The following EBF2 variants were observed in gnomAD, a reference collection of about 807,000 sequenced individuals.
EBF2 encodes EBF transcription factor 2, also known as transcription factor COE2.
EBF2 carries 21 observed loss-of-function variants against 72.8 expected under a neutral mutation model. That is an observed-to-expected ratio of 0.29 (90% CI 0.20 to 0.42). EBF2 has a LOEUF of 0.42. Ranked by LOEUF, EBF2 falls within the 10% of genes least tolerant of loss-of-function variation. The probability of loss-of-function intolerance (pLI) is 1.00; values close to 1 mark genes in which losing one functional copy is unlikely to be tolerated. For synonymous variants in EBF2, 299 were observed against 274.2 expected, an observed-to-expected ratio of 1.09 and a Z score of -0.89; for missense variants, 637 against 731.2, an observed-to-expected ratio of 0.87 and a Z score of 1.49.
At chr8:25,958,860 T>C (rs4872381) in intron 6 of EBF2, among the ~76,000 whole-genome samples, 83,147 of 152,098 alleles carry the variant, frequency 0.55, 23,299 homozygotes, top group East Asian at 0.88. Flanking sequence ...ATTATGACTT[T>C]GGTAGAATCT....
At chr8:25,925,584 G>A (rs746571957) in intron 6 of EBF2, among the ~76,000 whole-genome samples, 6 of 152,226 alleles carry the variant, frequency 3.9e-5, no homozygotes, top group East Asian at 1.9e-4. Flanking sequence ...AATGCACTTC[G>A]GCTGCCTTTG....
intron 10 of EBF2, among the ~76,000 whole-genome samples, chr8:25,878,120 T>C (rs972810161): frequency 9.2e-5 from 14 of 152,172 alleles, no homozygotes; most frequent in Non-Finnish European, 1.5e-5. Flanking sequence ...CCAAAGGCAG[T>C]GCTTCCGGCT....
At chr8:26,017,082 T>A (rs1451568604) in intron 6 of EBF2, among the ~76,000 whole-genome samples, 1 of 151,590 alleles carries the variant, frequency 6.6e-6, no homozygotes, top group Non-Finnish European at 1.5e-5. Context: ...CTTTCCAGAC[T>A]CATTGTCAGT....
At chr8:25,931,669 T>A (rs1803482938) in intron 6 of EBF2, among the ~76,000 whole-genome samples, 1 of 152,220 alleles carries the variant, frequency 6.6e-6, no homozygotes, top group South Asian at 2.1e-4. Flanking sequence ...TAAACAGTGA[T>A]GGATGGTTTT....
chr8:26,033,013 A>T, intron 6 of EBF2, 72 bp downstream of exon 6: 1 of 1,397,554 alleles, frequency 7.2e-7, no homozygotes, highest in Non-Finnish European at 1.0e-6. Flanking sequence ...AGCTCCATGG[A>T]TCAGTACTCA....
chr8:25,980,122 G>A (rs1804335975), intron 6 of EBF2, among the ~76,000 whole-genome samples: 1 of 152,132 alleles, frequency 6.6e-6, no homozygotes, highest in Non-Finnish European at 1.5e-5. Context: ...ATTCCCTTGG[G>A]TGCTACCCCC....
chr8:25,984,040 A>G (rs1442423905), intron 6 of EBF2, among the ~76,000 whole-genome samples: 1 of 152,254 alleles, frequency 6.6e-6, no homozygotes, highest in Non-Finnish European at 1.5e-5. Flanking sequence ...AACAGCACAT[A>G]GCTGCGGGTA....
intron 6 of EBF2, among the ~76,000 whole-genome samples, chr8:26,009,107 G>GAAAAAA (rs66503039): frequency 3.5e-5 from 3 of 85,028 alleles, no homozygotes; most frequent in African/African-American, 1.5e-4. Flanking sequence ...GAGTAAAAGC[G>GAAAAAA]AAAAAAAAAA....
intron 6 of EBF2, among the ~76,000 whole-genome samples, chr8:25,997,265 A>G (rs1209941190): frequency 6.6e-6 from 1 of 152,150 alleles, no homozygotes; most frequent in Non-Finnish European, 1.5e-5. Context: ...TGTTCATGCA[A>G]TAGTTAAGAA....
Position 26,044,559 on chromosome 8 carries a change from C to A in EBF2, c.131+170G>T, listed in dbSNP as rs1296856934. ...TGCCGGCTGCCGGGTGAGCGTTCGC[C>A]TGACTGCAGCGATCTGCTTGCCCGA... On this transcript the variant is annotated intron_variant, in intron 1 of 15. Transcript: ENST00000520164. This position sits in a 1 kb window ranked among gnomAD's most constrained non-coding sequence, Gnocchi z 4.1. 1.3e-5 allele frequency among the ~76,000 whole-genome samples: 2 copies of A among 152,222 alleles called. No homozygotes were observed. The highest frequency in any genetic ancestry group is 4.8e-5 in the African/African-American group (2 of 41,464).
intron 2 of EBF2, 76 bp from the exon 3 acceptor site, chr8:26,041,078 C>G: frequency 6.6e-7 from 1 of 1,521,448 alleles, no homozygotes; most frequent in Non-Finnish European, 9.1e-7. Context: ...CAGTGAATCC[C>G]CACCTCACAT....
chr8:25,976,821 C>T (rs1308571087), intron 6 of EBF2, among the ~76,000 whole-genome samples: 3 of 152,144 alleles, frequency 2.0e-5, no homozygotes, highest in Non-Finnish European at 4.4e-5. Context: ...AATGATTTGC[C>T]AAACAGAATC....
At chr8:26,006,801 A>G (rs1285523970) in intron 6 of EBF2, among the ~76,000 whole-genome samples, 1 of 152,162 alleles carries the variant, frequency 6.6e-6, no homozygotes, top group East Asian at 1.9e-4. Flanking sequence ...CTTCAGAACC[A>G]CTGCAATTTC....
At chr8:25,847,698 G>A (rs990721183) in intron 15 of EBF2, among the ~76,000 whole-genome samples, 1 of 152,156 alleles carries the variant, frequency 6.6e-6, no homozygotes, top group African/African-American at 2.4e-5. Context: ...GGCCCGGAAA[G>A]AGCTGAACTA....
intron 6 of EBF2, among the ~76,000 whole-genome samples, chr8:25,913,811 C>A (rs573284688): frequency 6.6e-6 from 1 of 152,130 alleles, no homozygotes; most frequent in East Asian, 1.9e-4. Flanking sequence ...GACTTAAACA[C>A]GTGTGTTCAT....
intron 6 of EBF2, among the ~76,000 whole-genome samples, chr8:25,910,167 A>C (rs946247040): frequency 6.6e-6 from 1 of 152,210 alleles, no homozygotes; most frequent in Admixed American, 6.5e-5. Context: ...GTTAGAAAGG[A>C]GAATTGCTTT....
intron 6 of EBF2, among the ~76,000 whole-genome samples, chr8:25,955,077 C>T (rs958194842): frequency 3.3e-5 from 5 of 152,198 alleles, no homozygotes; most frequent in African/African-American, 1.2e-4. Context: ...GAGCGCATCC[C>T]CAGAACAGTG....
intron 6 of EBF2, among the ~76,000 whole-genome samples, chr8:26,016,070 G>T (rs565444849): frequency 5.5e-4 from 84 of 152,336 alleles, no homozygotes; most frequent in Non-Finnish European, 1.1e-3. Context: ...AAGTGTTCTT[G>T]TCTACCAGTA....
At chr8:25,983,613 G>C (rs536189757) in intron 6 of EBF2, among the ~76,000 whole-genome samples, 6 of 152,280 alleles carry the variant, frequency 3.9e-5, no homozygotes, top group Non-Finnish European at 7.4e-5. Context: ...TGGAATGACA[G>C]GAAAAGCCAG....
Sources: gnomAD v4.1 joint callset for allele counts (sites outside exome capture counted in the v4.1 genomes callset) on GRCh38, gnomAD v4.1.1 for gene constraint, Gnocchi (gnomAD v3.1) non-coding constraint, MANE v1.5 for transcripts, NCBI Gene and HGNC (gene_info 2026-07-23, HGNC 2026-07-21) for gene names.